The following PGCKA1 variants were observed in gnomAD, a reference collection of about 807,000 sequenced individuals.
PGCKA1 encodes PDCD10 and GCKIII kinases-associated protein 1.
chr4:37,588,710 C>T, the PGCKA1 span: 19 of 626,910 alleles, frequency 3.0e-5, no homozygotes, highest in African/African-American at 2.7e-4. Flanking sequence ...CTCTGACCCA[C>T]GTGGTAGTTA....
chr4:37,511,649 G>A, the PGCKA1 span, among the ~76,000 whole-genome samples: 1 of 152,142 alleles, frequency 6.6e-6, no homozygotes. Context: ...GAAGATGCAA[G>A]CTATGCTGCC....
the PGCKA1 span, among the ~76,000 whole-genome samples, chr4:37,524,136 T>A: frequency 2.6e-5 from 4 of 152,238 alleles, no homozygotes. Context: ...TGTATTATGT[T>A]ATCTCCATCA....
the PGCKA1 span, among the ~76,000 whole-genome samples, chr4:37,592,978 T>C: frequency 6.6e-6 from 1 of 152,268 alleles, no homozygotes; most frequent in East Asian, 1.9e-4. Context: ...TTCCAGCACC[T>C]TTAAGGACGG....
chr4:37,478,478 C>T, the PGCKA1 span, among the ~76,000 whole-genome samples: 32,349 of 152,080 alleles, frequency 0.21, 4,440 homozygotes, highest in Non-Finnish European at 0.31. Flanking sequence ...GGCTGAAGTC[C>T]GCCAAACAGA....
the PGCKA1 span, among the ~76,000 whole-genome samples, chr4:37,554,061 A>G: frequency 6.6e-6 from 1 of 152,178 alleles, no homozygotes; most frequent in East Asian, 1.9e-4. Flanking sequence ...TAATTGAATC[A>G]TGGGGGTGGG....
At chr4:37,511,713 G>C in the PGCKA1 span, among the ~76,000 whole-genome samples, 8,275 of 152,292 alleles carry the variant, frequency 0.054, 312 homozygotes, top group Non-Finnish European at 0.082. Flanking sequence ...CCTGGCTAGT[G>C]TCTAGTAGGC....
the PGCKA1 span, among the ~76,000 whole-genome samples, chr4:37,471,613 A>G: frequency 6.6e-6 from 1 of 152,172 alleles, no homozygotes; most frequent in African/African-American, 2.4e-5. Flanking sequence ...TAATCCTTAA[A>G]TAAAAATAGA....
chr4:37,590,656 C>T, the PGCKA1 span: 1 of 1,614,120 alleles, frequency 6.2e-7, no homozygotes, highest in East Asian at 2.2e-5. Context: ...CAACGTTGAT[C>T]ATAATGAAAA....
the PGCKA1 span, among the ~76,000 whole-genome samples, chr4:37,509,770 G>A: frequency 1.3e-5 from 2 of 151,636 alleles, no homozygotes; most frequent in Non-Finnish European, 2.9e-5. Flanking sequence ...AGACCAGCCC[G>A]GCCAACACAG....
the PGCKA1 span, among the ~76,000 whole-genome samples, chr4:37,481,368 C>T: frequency 8.2e-5 from 12 of 146,796 alleles, no homozygotes; most frequent in African/African-American, 2.3e-4. Flanking sequence ...GGGAGGCTGA[C>T]GCAGGAGAAT....
the PGCKA1 span, among the ~76,000 whole-genome samples, chr4:37,513,399 T>C: frequency 3.3e-5 from 5 of 152,344 alleles, no homozygotes; most frequent in African/African-American, 1.2e-4. Flanking sequence ...ACTCAGGTTC[T>C]GACATTGTTT....
chr4:37,464,134 G>A, the PGCKA1 span, among the ~76,000 whole-genome samples: 3 of 152,158 alleles, frequency 2.0e-5, no homozygotes, highest in Non-Finnish European at 4.4e-5. Flanking sequence ...GTTTAAGTGA[G>A]CCCTTTGGAA....
At chr4:37,533,210 C>A in the PGCKA1 span, among the ~76,000 whole-genome samples, 1 of 151,776 alleles carries the variant, frequency 6.6e-6, no homozygotes, top group African/African-American at 2.4e-5. Context: ...TTTTTTTTCC[C>A]CAAAGAACAG....
the PGCKA1 span, among the ~76,000 whole-genome samples, chr4:37,457,361 CTG>C: frequency 6.6e-6 from 1 of 152,100 alleles, no homozygotes; most frequent in African/African-American, 2.4e-5. Flanking sequence ...ACAGAGAGGA[CTG>C]TATTATATTT....
chr4:37,534,583 A>G, the PGCKA1 span, among the ~76,000 whole-genome samples: 25 of 152,342 alleles, frequency 1.6e-4, no homozygotes, highest in African/African-American at 5.5e-4. Context: ...CAATTTATAA[A>G]TAATAGAAAT....
At chr4:37,461,381 A>C in the PGCKA1 span, among the ~76,000 whole-genome samples, 1 of 152,060 alleles carries the variant, frequency 6.6e-6, no homozygotes, top group African/African-American at 2.4e-5. Context: ...TGATGGGAAT[A>C]GCATTGAATC....
chr4:37,528,513 G>T, the PGCKA1 span, among the ~76,000 whole-genome samples: 7 of 152,050 alleles, frequency 4.6e-5, no homozygotes, highest in East Asian at 7.7e-4. Flanking sequence ...ACCTCTTTGG[G>T]GTAAAGAAAG....
At chr4:37,498,819 C>A in the PGCKA1 span, among the ~76,000 whole-genome samples, 1 of 152,090 alleles carries the variant, frequency 6.6e-6, no homozygotes, top group Non-Finnish European at 1.5e-5. Context: ...CTCTTTATTT[C>A]TCTCTTCCCT....
chr4:37,470,973 A>G, the PGCKA1 span, among the ~76,000 whole-genome samples: 2 of 152,216 alleles, frequency 1.3e-5, no homozygotes, highest in Admixed American at 6.5e-5. Flanking sequence ...GGAAGAAAGT[A>G]TGTCAGCCTT....
Sources: gnomAD v4.1 joint callset for allele counts (sites outside exome capture counted in the v4.1 genomes callset) on GRCh38, gnomAD v4.1.1 for gene constraint, MANE v1.5 for transcripts, NCBI Gene and HGNC (gene_info 2026-07-23, HGNC 2026-07-21) for gene names.